The following GALNT13 variants were observed in gnomAD, a reference collection of about 807,000 sequenced individuals.
GALNT13 encodes polypeptide N-acetylgalactosaminyltransferase 13, also known as UDP-GalNAc:polypeptide N-acetylgalactosaminyltransferase 13.
In GALNT13, 28 loss-of-function variants were observed where a neutral mutation model predicts 64.2. The ratio of observed to expected loss-of-function variants is 0.44; its 90% CI spans 0.32 to 0.60. The LOEUF (loss-of-function observed/expected upper bound fraction) is 0.60, where lower values mean the gene tolerates loss of function less well. Ranked by LOEUF, GALNT13 falls within the 20% of genes least tolerant of loss-of-function variation. The pLI is 0.05. For synonymous variants in GALNT13, 214 were observed against 224.6 expected (o/e 0.95, Z 0.42); for missense variants, 577 against 669.8 (o/e 0.86, Z 1.53).
chr2:154,381,567 C>T (rs373393548), intron 9 of GALNT13, among the ~76,000 whole-genome samples: 1 of 152,002 alleles, frequency 6.6e-6, no homozygotes, highest in Middle Eastern at 3.2e-3. Flanking sequence ...TCACCTAGGA[C>T]AGTGTGTAAC....
chr2:153,136,298 A>T, the GALNT13 span, among the ~76,000 whole-genome samples: 1 of 152,116 alleles, frequency 6.6e-6, no homozygotes, highest in South Asian at 2.1e-4. Context: ...TGGAGGTGCA[A>T]AAGGGCTTAT....
the GALNT13 span, among the ~76,000 whole-genome samples, chr2:153,345,639 C>CTT: frequency 2.3e-3 from 159 of 69,672 alleles, 4 homozygotes; most frequent in East Asian, 0.04. Context: ...CTTTCTTTTT[C>CTT]TTTCTTTCTT....
intron 4 of GALNT13, among the ~76,000 whole-genome samples, chr2:154,166,645 A>G (rs911643803): frequency 6.6e-6 from 1 of 152,246 alleles, no homozygotes; most frequent in Non-Finnish European, 1.5e-5. Context: ...CCAAAGGATT[A>G]TAAATCATGC....
At chr2:154,195,865 C>A (rs1167285806) in intron 4 of GALNT13, among the ~76,000 whole-genome samples, 1 of 152,162 alleles carries the variant, frequency 6.6e-6, no homozygotes, top group African/African-American at 2.4e-5. Flanking sequence ...GGTGCCCCAA[C>A]CCCTGCTCAT....
At chr2:153,086,909 A>G in the GALNT13 span, among the ~76,000 whole-genome samples, 1 of 152,082 alleles carries the variant, frequency 6.6e-6, no homozygotes, top group Non-Finnish European at 1.5e-5. Context: ...TTCTAGATAT[A>G]TGATCATACC....
At chr2:153,731,091 T>C in the GALNT13 span, among the ~76,000 whole-genome samples, 1 of 151,824 alleles carries the variant, frequency 6.6e-6, no homozygotes, top group Non-Finnish European at 1.5e-5. Context: ...TGTGTGTCTG[T>C]ATATGTTTGT....
intron 3 of GALNT13, among the ~76,000 whole-genome samples, chr2:153,963,731 CTGTGTGTGTGTGTGTG>C (rs58455059): frequency 7.0e-4 from 71 of 100,850 alleles, no homozygotes; most frequent in South Asian, 6.5e-3. Context: ...CTCTCTCTCT[CTGTGTGTGTGTGTGTG>C]TGTGTGTGTG....
chr2:153,345,654 TC>T, the GALNT13 span, among the ~76,000 whole-genome samples: 97 of 133,628 alleles, frequency 7.3e-4, 1 homozygote, highest in African/African-American at 2.5e-3. Flanking sequence ...TTTCTTTCTT[TC>T]TTTCTTTCTT....
At chr2:153,195,522 G>T in the GALNT13 span, among the ~76,000 whole-genome samples, 1 of 152,206 alleles carries the variant, frequency 6.6e-6, no homozygotes, top group Admixed American at 6.5e-5. Flanking sequence ...ACTGCAAGCA[G>T]CTTCTCCAGC....
chr2:153,348,217 G>C, the GALNT13 span, among the ~76,000 whole-genome samples: 1 of 152,156 alleles, frequency 6.6e-6, no homozygotes, highest in Non-Finnish European at 1.5e-5. Flanking sequence ...ACCACCAGAC[G>C]TGCACGTTTC....
At chr2:153,656,317 AGTGTGT>A in the GALNT13 span, among the ~76,000 whole-genome samples, 657 of 149,468 alleles carry the variant, frequency 4.4e-3, 2 homozygotes, top group African/African-American at 0.015. Context: ...GACTTAAAGA[AGTGTGT>A]GTGTGTGTGT....
At chr2:153,315,422 TAA>T in the GALNT13 span, among the ~76,000 whole-genome samples, 8 of 152,216 alleles carry the variant, frequency 5.3e-5, no homozygotes, top group Admixed American at 3.3e-4. Flanking sequence ...CCCCACTTTC[TAA>T]TACCAGCACC....
chr2:153,550,939 T>G, the GALNT13 span, among the ~76,000 whole-genome samples: 2 of 152,026 alleles, frequency 1.3e-5, no homozygotes, highest in African/African-American at 4.8e-5. Flanking sequence ...GATTATGAGG[T>G]ATGTCCAACA....
chr2:154,298,608 T>TAATTG (rs1190599505), intron 8 of GALNT13, among the ~76,000 whole-genome samples: 1 of 3,872 alleles, frequency 2.6e-4, no homozygotes, highest in Non-Finnish European at 5.5e-4. Context: ...AATGTATATA[T>TAATTG]TAATTTATAT....
intron 9 of GALNT13, among the ~76,000 whole-genome samples, chr2:154,359,348 C>T (rs10210484): frequency 0.65 from 98,133 of 151,884 alleles, 32,220 homozygotes; most frequent in East Asian, 0.78. Flanking sequence ...CAAGAGAAAT[C>T]TAAAGTGAAG....
At chr2:153,260,735 T>C in the GALNT13 span, among the ~76,000 whole-genome samples, 9 of 152,288 alleles carry the variant, frequency 5.9e-5, no homozygotes, top group Non-Finnish European at 1.3e-4. Context: ...TTGATATCTG[T>C]CTCTAGATTT....
At chr2:153,690,415 G>A in the GALNT13 span, among the ~76,000 whole-genome samples, 8 of 152,100 alleles carry the variant, frequency 5.3e-5, no homozygotes, top group South Asian at 2.1e-4. Flanking sequence ...AGCACGGTTT[G>A]AAGCTGGGTT....
the GALNT13 span, among the ~76,000 whole-genome samples, chr2:153,552,344 T>A: frequency 6.6e-6 from 1 of 151,978 alleles, no homozygotes; most frequent in Non-Finnish European, 1.5e-5. Flanking sequence ...ATGAGAATGA[T>A]CCAGGAGAGA....
intron 3 of GALNT13, among the ~76,000 whole-genome samples, chr2:154,076,465 G>A (rs1020278898): frequency 2.6e-5 from 4 of 151,716 alleles, no homozygotes; most frequent in African/African-American, 4.8e-5. Flanking sequence ...GAGAGTTTGA[G>A]TAACTTACCC....
Sources: allele counts gnomAD v4.1 joint callset (sites outside exome capture counted in the v4.1 genomes callset), GRCh38; gene constraint gnomAD v4.1.1; transcripts MANE v1.5; gene names NCBI Gene and HGNC (gene_info 2026-07-23, HGNC 2026-07-21).